Variants in MTBP observed in about 807,000 individuals in gnomAD.
MTBP encodes the protein mdm2-binding protein.
Under a neutral mutation model 117.0 loss-of-function variants are expected in MTBP, and 101 were observed. The observed-to-expected ratio is 0.86, with a 90% CI of 0.73 to 1.02. MTBP has a LOEUF of 1.02. Among genes scored for constraint, MTBP ranks in the 50% least tolerant of loss-of-function variants. The probability of loss-of-function intolerance (pLI) is 0.00; values close to 1 mark genes in which losing one functional copy is unlikely to be tolerated. For synonymous variants in MTBP, 350 were observed against 351.5 expected, an observed-to-expected ratio of 1.00 and a Z score of 0.05; for missense variants, 970 against 1,030.9, an observed-to-expected ratio of 0.94 and a Z score of 0.81.
At chr8:120,469,045 A>AT (rs1485854697) in intron 10 of MTBP, among the ~76,000 whole-genome samples, 8 of 151,846 alleles carry the variant, frequency 5.3e-5, no homozygotes, top group African/African-American at 1.7e-4. Context: ...TTATTTATTT[A>AT]TTTTTTTGTT....
Position 120,456,623 on chromosome 8 carries a change from G to C in MTBP, c.700G>C (p.Asp234His), listed in dbSNP as rs1813473966. Residue 234 changes from aspartate (D) to histidine (H), a missense_variant, in exon 7 of 22, where the codon GAC becomes CAC. Physicochemically the swap from Asp to His is moderately conservative, Grantham distance 81. Transcript: ENST00000305949. Reference protein sequence around the residue: ...VSLEDLRNVIDSKELWRGKIQ... With the variant: ...VSLEDLRNVIHSKELWRGKIQ... The stretch of plus-strand genomic sequence containing the variant: ...TTTAGAAGATCTCAGAAATGTTATT[G>C]ACTCAAAGGAATTATGGAGGGGGAA... 1 of 1,601,200 alleles carries C rather than the reference G, an allele frequency of 6.2e-7. No individual in the cohort carries two copies. The highest frequency in any genetic ancestry group is 8.5e-7 in the Non-Finnish European group (1 of 1,172,060).
chr8:120,509,725 A>G (rs758641721), intron 16 of MTBP, among the ~76,000 whole-genome samples: 1 of 152,228 alleles, frequency 6.6e-6, no homozygotes, highest in Non-Finnish European at 1.5e-5. Context: ...ATCATAACTT[A>G]TTGAGGTACA....
chr8:120,485,326 C>T lies in MTBP; in HGVS notation c.1166-2833C>T, dbSNP rs115073425. On this transcript the variant is annotated intron_variant, in intron 11 of 21. Coordinates refer to ENST00000305949, the MANE Select transcript of MTBP (RefSeq NM_022045.5). ...TTTCCATTGTGATTTCATATTTGACCCATTGGTTATTTGTTGGTGTGTTGT... is the reference window on the plus strand; with the variant it reads ...TTTCCATTGTGATTTCATATTTGACTCATTGGTTATTTGTTGGTGTGTTGT... Among the ~76,000 whole-genome samples the T allele has an allele frequency of 8.7e-3, 1,322 of 151,910 alleles. 15 individuals carry two copies. The highest frequency in any genetic ancestry group is 0.03 in the African/African-American group (1,236 of 41,414).
chr8:120,511,704 C>G (rs939461688), intron 17 of MTBP, among the ~76,000 whole-genome samples: 2 of 152,102 alleles, frequency 1.3e-5, no homozygotes. Flanking sequence ...TTTCCCCCTT[C>G]TGATTTTATT....
intron 13 of MTBP, among the ~76,000 whole-genome samples, chr8:120,490,854 TGTAA>T (rs1342140756): frequency 3.3e-5 from 5 of 152,186 alleles, no homozygotes; most frequent in African/African-American, 1.2e-4. Flanking sequence ...AGAGAAGGTA[TGTAA>T]GTTTTATTTT....
At chr8:120,463,588 A>C in intron 9 of MTBP, 104 bp from the exon 10 acceptor site, 1 of 912,652 alleles carries the variant, frequency 1.1e-6, no homozygotes, top group Non-Finnish European at 1.6e-6. Flanking sequence ...TTTTTAATAG[A>C]TGAATTTAAG....
At chr8:120,519,860 C>G (rs987254423) in intron 20 of MTBP, among the ~76,000 whole-genome samples, 1 of 152,146 alleles carries the variant, frequency 6.6e-6, no homozygotes, top group African/African-American at 2.4e-5. Flanking sequence ...GATTGTCCAA[C>G]TTGCTTTGCA....
At chr8:120,497,221 C>T (rs1354770607) in intron 13 of MTBP, among the ~76,000 whole-genome samples, 172 bp from the exon 14 acceptor site, 2 of 152,150 alleles carry the variant, frequency 1.3e-5, no homozygotes, top group Non-Finnish European at 2.9e-5. Context: ...GAAATTCTCC[C>T]ATTATCTACA....
At chr8:120,473,409 A>G (rs1202422023) in intron 11 of MTBP, 1 of 152,176 alleles carries the variant, frequency 6.6e-6, no homozygotes, top group Non-Finnish European at 1.5e-5. Flanking sequence ...CCATTTATAC[A>G]GAGCGTGGTG....
At chr8:120,463,589 T>TGCAACTGTGGAA (rs1813625090) in intron 9 of MTBP, 103 bp from the exon 10 acceptor site, 1 of 924,010 alleles carries the variant, frequency 1.1e-6, no homozygotes, top group Admixed American at 2.4e-5. Context: ...TTTTAATAGA[T>TGCAACTGTGGAA]GAATTTAAGC....
chr8:120,490,658 T>C (rs532372832), intron 13 of MTBP, 88 bp downstream of exon 13: 123 of 753,738 alleles, frequency 1.6e-4, no homozygotes, highest in African/African-American at 1.6e-3. Flanking sequence ...CTTTTTCATA[T>C]ATAGTTTATC....
chr8:120,471,089 A>G lies in MTBP; in HGVS notation c.1165+152A>G, dbSNP rs182686644. ...AGTCCACATCATTTTAAGATTTTTA[A>G]TTGCAACCTACTGTAACATAAAGTA... On this transcript the variant is annotated intron_variant, in intron 11 of 21. Coordinates refer to ENST00000305949, the MANE Select transcript of MTBP (RefSeq NM_022045.5). 1,109 of 563,824 alleles carry G rather than the reference A, an allele frequency of 2.0e-3. 2 individuals carry two copies. The highest frequency in any genetic ancestry group is 3.0e-3 in the Non-Finnish European group (965 of 323,916). 34.9% of individuals were successfully genotyped at this position (563,824 alleles called of 1,614,324 possible). A position where few individuals can be genotyped will look rare whatever the true frequency, so the allele number is the denominator to read the frequency against.
At position 120,456,564 on chromosome 8, in the gene MTBP, A is replaced by ATCT. The variant is rs780464353; in HGVS notation, c.641_642insTCT (p.Lys214delinsAsnLeu). On this transcript the variant is annotated protein_altering_variant, in exon 7 of 22. Coordinates refer to ENST00000305949, the MANE Select transcript of MTBP (RefSeq NM_022045.5). ...TCTTTTTTTTATAGAAACTGTCAGA[A>ATCT]AATTGCAGAATACCTTTCTGCTAAT... is the stretch of plus-strand genomic sequence containing the variant. The ATCT allele has an allele frequency of 3.9e-6, 6 of 1,539,736 alleles. No individual in the cohort carries two copies. The highest frequency in any genetic ancestry group is 5.3e-6 in the Non-Finnish European group (6 of 1,124,552).
chr8:120,445,591 A>G lies in MTBP; in HGVS notation c.118+3A>G, dbSNP rs191988536. 16 of 1,591,228 alleles carry G rather than the reference A, an allele frequency of 1.0e-5. No individual in the cohort carries two copies. In the East Asian group the frequency reaches 2.9e-4, roughly 29 times the overall value. The stretch of plus-strand genomic sequence containing the variant: ...TGAGGGTACTGAGAATCAGCCGGGT[A>G]AGCGCTGGGATGAGAAAGAGCGGGA... On this transcript the variant is annotated splice_donor_region_variant and intron_variant, in intron 1 of 21. Coordinates refer to ENST00000305949, the MANE Select transcript of MTBP (RefSeq NM_022045.5).
At chr8:120,466,850 G>T (rs1439595684) in intron 10 of MTBP, among the ~76,000 whole-genome samples, 1 of 152,050 alleles carries the variant, frequency 6.6e-6, no homozygotes, top group Non-Finnish European at 1.5e-5. Flanking sequence ...CTCGAGCCTG[G>T]GCAACAGAGC....
At chr8:120,516,271 G>C in intron 18 of MTBP, 80 bp downstream of exon 18, 1 of 1,219,844 alleles carries the variant, frequency 8.2e-7, no homozygotes, top group South Asian at 1.7e-5. Context: ...TTTTATATTA[G>C]TCTTTCAGGT....
chr8:120,484,639 C>T (rs1371242168), intron 11 of MTBP, among the ~76,000 whole-genome samples: 1 of 152,138 alleles, frequency 6.6e-6, no homozygotes, highest in Non-Finnish European at 1.5e-5. Flanking sequence ...TTTAAAAATA[C>T]AGTTTTATTG....
chr8:120,476,185 G>A (rs757484327), intron 11 of MTBP, among the ~76,000 whole-genome samples: 6 of 151,704 alleles, frequency 4.0e-5, no homozygotes, highest in African/African-American at 1.2e-4. Context: ...TGGTCTTTTC[G>A]GCCTTCGATA....
chr8:120,454,665 A>C (rs576505261), intron 5 of MTBP, among the ~76,000 whole-genome samples: 2 of 152,172 alleles, frequency 1.3e-5, no homozygotes, highest in African/African-American at 4.8e-5. Flanking sequence ...CTCTATATTC[A>C]AGGAGATCAT....
Sources: gnomAD v4.1 joint callset for allele counts (sites outside exome capture counted in the v4.1 genomes callset) on GRCh38, gnomAD v4.1.1 for gene constraint, MANE v1.5 for transcripts, NCBI Gene and HGNC (gene_info 2026-07-23, HGNC 2026-07-21) for gene names.